CADPS: variants seen among roughly 807,000 people sequenced by gnomAD.
CADPS encodes calcium dependent secretion activator.
CADPS carries 57 observed loss-of-function variants against 167.3 expected under a neutral mutation model. The ratio of observed to expected loss-of-function variants is 0.34; its 90% CI spans 0.28 to 0.42. CADPS has a LOEUF of 0.42. CADPS is among the 20% of genes least tolerant of loss of function. The probability of loss-of-function intolerance (pLI) is 1.00; values close to 1 mark genes in which losing one functional copy is unlikely to be tolerated. For missense variants in CADPS, 1,414 were observed against 1,738.1 expected, an observed-to-expected ratio of 0.81 and a Z score of 3.32; for synonymous variants, 676 against 635.3, an observed-to-expected ratio of 1.06 and a Z score of -0.96.
Position 62,455,840 on chromosome 3 carries a change from A to T in CADPS, c.3636+9527T>A, listed in dbSNP as rs2058627010. ...GGCTATATTGTTGTTACTGAATAGT[A>T]ATGCTTCTGCACGAAGGGGTCACTT... On this transcript the variant is annotated intron_variant, in intron 26 of 29. Transcript: ENST00000383710. This position sits in a 1 kb window ranked among gnomAD's most constrained non-coding sequence, Gnocchi z 4.4. Among the ~76,000 whole-genome samples, 1 of 152,182 alleles carries T rather than the reference A, an allele frequency of 6.6e-6. No homozygotes were observed. The highest frequency in any genetic ancestry group is 2.4e-5 in the African/African-American group (1 of 41,452).
intron 1 of CADPS, among the ~76,000 whole-genome samples, chr3:62,804,162 A>C (rs1396497622): frequency 6.6e-6 from 1 of 152,136 alleles, no homozygotes; most frequent in African/African-American, 2.4e-5. Flanking sequence ...TACATGCTAC[A>C]TGTGGACAGG....
chr3:62,521,825 C>T (rs1297811853), intron 13 of CADPS, among the ~76,000 whole-genome samples: 1 of 152,164 alleles, frequency 6.6e-6, no homozygotes, highest in Non-Finnish European at 1.5e-5. Flanking sequence ...ATCGAGGTGC[C>T]TATTCCCCTA....
chr3:62,763,191 C>T (rs1576039869), intron 2 of CADPS, among the ~76,000 whole-genome samples: 1 of 152,318 alleles, frequency 6.6e-6, no homozygotes, highest in Middle Eastern at 3.4e-3. Context: ...CTGTGACTGA[C>T]TCAAGAAGGG....
At chr3:62,845,078 A>C (rs569082405) in intron 1 of CADPS, among the ~76,000 whole-genome samples, 2 of 152,182 alleles carry the variant, frequency 1.3e-5, no homozygotes, top group East Asian at 3.9e-4. Flanking sequence ...TGGACACAGG[A>C]TGCTATCACT....
chr3:62,839,229 C>T (rs895868671), intron 1 of CADPS, among the ~76,000 whole-genome samples: 2 of 152,030 alleles, frequency 1.3e-5, no homozygotes, highest in Admixed American at 6.6e-5. Context: ...GAGTCTTGCT[C>T]GGTCACCCAG....
At chr3:62,509,235 T>A (rs376273576) in intron 17 of CADPS, among the ~76,000 whole-genome samples, 1 of 140,686 alleles carries the variant, frequency 7.1e-6, no homozygotes, top group African/African-American at 2.7e-5. Context: ...ACCCAGGAAG[T>A]AGATGTTGTG....
chr3:62,828,807 C>G (rs2074535484), intron 1 of CADPS, among the ~76,000 whole-genome samples: 1 of 152,182 alleles, frequency 6.6e-6, no homozygotes, highest in South Asian at 2.1e-4. Flanking sequence ...TGCAAATTGA[C>G]TGCTTATGGA....
chr3:62,451,380 C>T (rs1027577134), intron 26 of CADPS, among the ~76,000 whole-genome samples: 1 of 151,942 alleles, frequency 6.6e-6, no homozygotes, highest in African/African-American at 2.4e-5. Flanking sequence ...GCGGCAGGGG[C>T]TTAAACCACT....
chr3:62,566,209 C>G (rs879303382), intron 9 of CADPS, among the ~76,000 whole-genome samples: 1 of 152,152 alleles, frequency 6.6e-6, no homozygotes, highest in Admixed American at 6.5e-5. Context: ...GGAGCAGGGG[C>G]GGGGTTAGGG....
intron 9 of CADPS, among the ~76,000 whole-genome samples, chr3:62,566,870 T>C (rs1466609970): frequency 1.3e-5 from 2 of 152,140 alleles, no homozygotes; most frequent in Non-Finnish European, 2.9e-5. Context: ...TTAATGAGAA[T>C]CATATGTACA....
intron 1 of CADPS, among the ~76,000 whole-genome samples, chr3:62,866,634 G>C (rs142654171): frequency 6.6e-6 from 1 of 152,134 alleles, no homozygotes; most frequent in African/African-American, 2.4e-5. Context: ...AGAGTGAATC[G>C]CATGAAGAAA....
At chr3:62,871,176 A>G (rs2082568189) in intron 1 of CADPS, among the ~76,000 whole-genome samples, 1 of 152,180 alleles carries the variant, frequency 6.6e-6, no homozygotes, top group Non-Finnish European at 1.5e-5. Flanking sequence ...AAGTGAAACC[A>G]AAGTAATTAC....
At chr3:62,697,472 T>C (rs2080539877) in intron 3 of CADPS, among the ~76,000 whole-genome samples, 1 of 152,092 alleles carries the variant, frequency 6.6e-6, no homozygotes, top group Non-Finnish European at 1.5e-5. Flanking sequence ...CATTCTATCG[T>C]ATATATACCA....
intron 4 of CADPS, among the ~76,000 whole-genome samples, chr3:62,658,606 A>T (rs1202490249): frequency 6.6e-6 from 1 of 152,074 alleles, no homozygotes; most frequent in Non-Finnish European, 1.5e-5. Context: ...AAAATGCTTA[A>T]AAGAGTATCT....
chr3:62,673,975 G>A (rs952668543), intron 3 of CADPS, among the ~76,000 whole-genome samples: 4 of 152,106 alleles, frequency 2.6e-5, no homozygotes, highest in Admixed American at 2.6e-4. Flanking sequence ...TAATCAAATC[G>A]AATGCTTTTG....
At chr3:62,406,698 A>G (rs1281559184) in intron 28 of CADPS, among the ~76,000 whole-genome samples, 1 of 152,192 alleles carries the variant, frequency 6.6e-6, no homozygotes, top group African/African-American at 2.4e-5. Flanking sequence ...AAAGCCCCCA[A>G]CAGCCTGGGC....
At chr3:62,678,225 G>A (rs868134289) in intron 3 of CADPS, among the ~76,000 whole-genome samples, 2 of 151,996 alleles carry the variant, frequency 1.3e-5, no homozygotes, top group South Asian at 2.1e-4. Flanking sequence ...GCACAGAGCC[G>A]AATCAGAATA....
intron 3 of CADPS, among the ~76,000 whole-genome samples, chr3:62,666,421 G>A (rs1186379248): frequency 6.6e-6 from 1 of 152,162 alleles, no homozygotes; most frequent in Admixed American, 6.5e-5. Context: ...AAAAGCAAGA[G>A]AGTGAGCTTC....
intron 1 of CADPS, among the ~76,000 whole-genome samples, chr3:62,861,458 T>C (rs544378840): frequency 2.0e-5 from 3 of 152,296 alleles, no homozygotes; most frequent in South Asian, 4.1e-4. Flanking sequence ...CTTTGAACTA[T>C]TGATTCAAGA....
Sources: allele counts gnomAD v4.1 joint callset (sites outside exome capture counted in the v4.1 genomes callset), GRCh38; gene constraint gnomAD v4.1.1; non-coding constraint Gnocchi (gnomAD v3.1); transcripts MANE v1.5; gene names NCBI Gene and HGNC (gene_info 2026-07-23, HGNC 2026-07-21).